The following PAX7 variants were observed in gnomAD, a reference collection of about 807,000 sequenced individuals.
PAX7 encodes the protein paired box protein Pax-7.
PAX7 carries 18 observed loss-of-function variants against 50.7 expected under a neutral mutation model. That is an observed-to-expected ratio of 0.36 (90% confidence interval 0.25 to 0.53). The LOEUF is 0.53. Among genes scored for constraint, PAX7 ranks in the 20% least tolerant of loss-of-function variants. The pLI, the probability that PAX7 is intolerant of heterozygous loss-of-function variation, is 0.93. For missense variants in PAX7, 644 were observed against 702.9 expected, an observed-to-expected ratio of 0.92 and a Z score of 0.95; for synonymous variants, 310 against 290.4, an observed-to-expected ratio of 1.07 and a Z score of -0.69.
rs78990821 is a variant in PAX7 at position 18,735,269 on chromosome 1, C to A, written c.1156-363C>A. Among the ~76,000 whole-genome samples, 273 of 152,324 alleles carry A rather than the reference C, an allele frequency of 1.8e-3. 1 individual carries two copies. The highest frequency in any genetic ancestry group is 3.5e-3 in the Non-Finnish European group (241 of 68,026). On this transcript the variant is annotated intron_variant, in intron 7 of 8. Coordinates refer to ENST00000420770, the MANE Select transcript of PAX7 (RefSeq NM_001135254.2). This position sits in a 1 kb window ranked among gnomAD's most constrained non-coding sequence, Gnocchi z 4.0. ...GAACTCCCTGACTGATGGGAGAGGCCTCATTAGCCAGTTCGTTCATTCATG... is the reference window on the plus strand; with the variant it reads ...GAACTCCCTGACTGATGGGAGAGGCATCATTAGCCAGTTCGTTCATTCATG...
chr1:18,681,487 A>G (rs775552258), intron 4 of PAX7, among the ~76,000 whole-genome samples: 112 of 152,258 alleles, frequency 7.4e-4, no homozygotes, highest in Admixed American at 2.1e-3. Flanking sequence ...AATTCTGTCC[A>G]TGCAACTACA....
chr1:18,639,922 G>C (rs2088223727), intron 4 of PAX7, among the ~76,000 whole-genome samples: 1 of 151,496 alleles, frequency 6.6e-6, no homozygotes, highest in Non-Finnish European at 1.5e-5. Flanking sequence ...ATGAAATATA[G>C]GGAAAAGTTA....
chr1:18,677,822 G>A (rs761543851), intron 4 of PAX7, among the ~76,000 whole-genome samples: 21 of 152,172 alleles, frequency 1.4e-4, no homozygotes, highest in Non-Finnish European at 2.6e-4. Context: ...AGTGGCTCAC[G>A]GCTGTAATCT....
chr1:18,689,612 G>A (rs751897165), intron 4 of PAX7, among the ~76,000 whole-genome samples: 4 of 152,194 alleles, frequency 2.6e-5, no homozygotes, highest in Non-Finnish European at 5.9e-5. Context: ...ACTTTCCAAC[G>A]GACAAGATAG....
chr1:18,739,667 A>G (rs1229896317), intron 8 of PAX7, among the ~76,000 whole-genome samples: 1 of 152,110 alleles, frequency 6.6e-6, no homozygotes, highest in African/African-American at 2.4e-5. Flanking sequence ...TGTGCATGGA[A>G]CAAGCCTACA....
intron 1 of PAX7, among the ~76,000 whole-genome samples, chr1:18,633,325 G>C (rs1267342961): frequency 6.6e-6 from 1 of 152,120 alleles, no homozygotes; most frequent in East Asian, 1.9e-4. Context: ...GATCGAGGCC[G>C]GATTAGTGCG....
chr1:18,743,952 G>C (rs1360257823), intron 8 of PAX7, among the ~76,000 whole-genome samples: 1 of 152,168 alleles, frequency 6.6e-6, no homozygotes, highest in East Asian at 1.9e-4. Flanking sequence ...AATTCAAGGA[G>C]ATTCTTGTTT....
Position 18,632,670 on chromosome 1 carries a change from T to G in PAX7, c.85+982T>G, listed in dbSNP as rs1345663985. On this transcript the variant is annotated intron_variant, in intron 1 of 8. Coordinates refer to ENST00000420770, the MANE Select transcript of PAX7 (RefSeq NM_001135254.2). This position sits in a 1 kb window ranked among gnomAD's most constrained non-coding sequence, Gnocchi z 6.3. The stretch of plus-strand genomic sequence containing the variant: ...TTTTTTTTTTAAATTACTCTTCCTG[T>G]GATCGTTTGAGTCCCTGGCGCGTGA... 6.8e-6 allele frequency among the ~76,000 whole-genome samples: 1 copy of G among 146,840 alleles called. No homozygotes were observed. The highest frequency in any genetic ancestry group is 1.5e-5 in the Non-Finnish European group (1 of 67,526).
chr1:18,633,189 G>A (rs1003402662), intron 1 of PAX7, among the ~76,000 whole-genome samples: 1 of 152,150 alleles, frequency 6.6e-6, no homozygotes, highest in African/African-American at 2.4e-5. Flanking sequence ...CGGTAGGAAC[G>A]GCCCAGCAGC....
At chr1:18,690,156 G>A (rs1048145110) in intron 4 of PAX7, among the ~76,000 whole-genome samples, 1 of 152,210 alleles carries the variant, frequency 6.6e-6, no homozygotes, top group African/African-American at 2.4e-5. Flanking sequence ...GCCTCTTCAG[G>A]TGCATAGCAG....
intron 7 of PAX7, among the ~76,000 whole-genome samples, chr1:18,707,857 C>T (rs1282332255): frequency 6.6e-6 from 1 of 152,012 alleles, no homozygotes; most frequent in African/African-American, 2.4e-5. Flanking sequence ...TGGAAGCCAC[C>T]CCCTTCAGTT....
chr1:18,693,486 T>C (rs2236826), intron 5 of PAX7, among the ~76,000 whole-genome samples: 8,652 of 152,078 alleles, frequency 0.057, 428 homozygotes, highest in East Asian at 0.25. Context: ...TCCAGGGAAA[T>C]GAACAAGCTG....
At chr1:18,688,214 T>C (rs971403573) in intron 4 of PAX7, among the ~76,000 whole-genome samples, 1 of 152,212 alleles carries the variant, frequency 6.6e-6, no homozygotes, top group Admixed American at 6.5e-5. Context: ...ATGAGTATCA[T>C]TTCCTGTAAA....
At chr1:18,725,082 A>G (rs1216171513) in intron 7 of PAX7, among the ~76,000 whole-genome samples, 1 of 152,180 alleles carries the variant, frequency 6.6e-6, no homozygotes, top group African/African-American at 2.4e-5. Flanking sequence ...CATTTTACAA[A>G]TGGGGAAACT....
Position 18,748,681 on chromosome 1 carries a change from G to T in PAX7, c.*3752G>T. On this transcript the variant is annotated 3_prime_UTR_variant, in exon 9 of 9. Transcript: ENST00000420770. Reference sequence around the variant, plus strand: ...AGTGGGTGTACGTGAGGGTGTGAGTGGGGTGTGTGCGTGGGCGTGTGGGCG... The same window carrying T: ...AGTGGGTGTACGTGAGGGTGTGAGTTGGGTGTGTGCGTGGGCGTGTGGGCG... 1 of 232,252 alleles carries T rather than the reference G, an allele frequency of 4.3e-6. No homozygotes were observed. The allele number at this position is 232,252 out of a possible 1,614,324, so 14.4% of individuals were successfully genotyped here. A position where few individuals can be genotyped will look rare whatever the true frequency, so the allele number is the denominator to read the frequency against.
intron 4 of PAX7, among the ~76,000 whole-genome samples, chr1:18,665,672 CTT>C (rs3079732): frequency 4.3e-4 from 52 of 122,224 alleles, no homozygotes; most frequent in Middle Eastern, 5.3e-3. Context: ...TGCGCCCAGC[CTT>C]TTTTTTTTTT....
Position 18,634,126 on chromosome 1 carries a change from G to A in PAX7, c.86-177G>A, listed in dbSNP as rs2088105106. Reference sequence around the variant, plus strand: ...TCTGCAGGAGATTTCCTAGATTTATGACAGTTGTTTCTCAAACTACCTACC... The same window carrying A: ...TCTGCAGGAGATTTCCTAGATTTATAACAGTTGTTTCTCAAACTACCTACC... On this transcript the variant is annotated intron_variant, in intron 1 of 8. Transcript: ENST00000420770. This position sits in a 1 kb window ranked among gnomAD's most constrained non-coding sequence, Gnocchi z 4.0. 6.6e-6 allele frequency among the ~76,000 whole-genome samples: 1 copy of A among 152,206 alleles called. No individual in the cohort carries two copies. Among genetic ancestry groups the A allele is most frequent in the African/African-American group, 2.4e-5 (1 of 41,442 alleles).
intron 7 of PAX7, among the ~76,000 whole-genome samples, chr1:18,730,794 C>A (rs944503517): frequency 1.3e-5 from 2 of 152,176 alleles, no homozygotes; most frequent in Non-Finnish European, 2.9e-5. Flanking sequence ...CCCCCACCCC[C>A]AAACCAGCAA....
chr1:18,683,932 C>T (rs560834004), intron 4 of PAX7, among the ~76,000 whole-genome samples: 2 of 152,262 alleles, frequency 1.3e-5, no homozygotes, highest in Admixed American at 6.5e-5. Context: ...ATACATAGCA[C>T]GTCTGTGATT....
Sources: gnomAD v4.1 joint callset for allele counts (sites outside exome capture counted in the v4.1 genomes callset) on GRCh38, gnomAD v4.1.1 for gene constraint, Gnocchi (gnomAD v3.1) non-coding constraint, MANE v1.5 for transcripts, NCBI Gene and HGNC (gene_info 2026-07-23, HGNC 2026-07-21) for gene names.